The following C1QTNF3 variants were observed in gnomAD, a reference collection of about 807,000 sequenced individuals.
The protein encoded by C1QTNF3 is complement C1q tumor necrosis factor-related protein 3.
Under a neutral mutation model 32.6 loss-of-function variants are expected in C1QTNF3, and 26 were observed. That is an observed-to-expected ratio of 0.80 (90% confidence interval 0.58 to 1.11). The LOEUF is 1.11. Among genes scored for constraint, C1QTNF3 ranks in the 50% least tolerant of loss-of-function variants. The pLI is 0.00. For synonymous variants in C1QTNF3, 155 were observed against 146.0 expected (o/e 1.06, Z -0.44); for missense variants, 362 against 398.2 (o/e 0.91, Z 0.77).
the C1QTNF3 span, among the ~76,000 whole-genome samples, chr5:34,216,248 T>C: frequency 1.3e-5 from 2 of 152,226 alleles, no homozygotes; most frequent in African/African-American, 4.8e-5. Context: ...CTTGCTCTTT[T>C]GTTGTTGTTG....
the C1QTNF3 span, among the ~76,000 whole-genome samples, chr5:34,170,759 G>T: frequency 6.6e-6 from 1 of 152,064 alleles, no homozygotes; most frequent in African/African-American, 2.4e-5. Flanking sequence ...CAGTACACAA[G>T]AATTGATACC....
chr5:34,053,480 C>G, the C1QTNF3 span, among the ~76,000 whole-genome samples: 1 of 152,224 alleles, frequency 6.6e-6, no homozygotes, highest in African/African-American at 2.4e-5. Context: ...ATTTGCCTGT[C>G]TGTCTGCATG....
chr5:34,156,878 C>T, the C1QTNF3 span, among the ~76,000 whole-genome samples: 1 of 152,146 alleles, frequency 6.6e-6, no homozygotes, highest in African/African-American at 2.4e-5. Context: ...GCCTAGGAAA[C>T]TCATTCTGTG....
intron 2 of C1QTNF3, among the ~76,000 whole-genome samples, chr5:34,034,808 A>G (rs1436211860): frequency 1.3e-5 from 2 of 152,216 alleles, no homozygotes; most frequent in Non-Finnish European, 2.9e-5. Context: ...AATGACATAG[A>G]TTCCAAGCCA....
At chr5:34,084,789 G>T in the C1QTNF3 span, among the ~76,000 whole-genome samples, 208 of 68,768 alleles carry the variant, frequency 3.0e-3, 10 homozygotes, top group South Asian at 0.011. Flanking sequence ...GGTTTTTCTG[G>T]TTTTTTTTTT....
At chr5:34,107,469 TA>T in the C1QTNF3 span, among the ~76,000 whole-genome samples, 1 of 151,974 alleles carries the variant, frequency 6.6e-6, no homozygotes, top group Non-Finnish European at 1.5e-5. Context: ...ATAATGACAA[TA>T]ACTGTCATCA....
At chr5:34,023,843 C>A in intron 5 of C1QTNF3, 66 bp downstream of exon 5, 1 of 1,321,080 alleles carries the variant, frequency 7.6e-7, no homozygotes, top group South Asian at 1.2e-5. Context: ...GCTTCCCTGT[C>A]ATTAGGCATT....
the C1QTNF3 span, among the ~76,000 whole-genome samples, chr5:34,211,150 CA>C: frequency 1.3e-5 from 2 of 150,938 alleles, no homozygotes; most frequent in African/African-American, 4.9e-5. Flanking sequence ...TATATGTACA[CA>C]AAAATTTTCA....
intron 3 of C1QTNF3, 118 bp downstream of exon 3, chr5:34,033,186 A>ACTCAGATTT (rs1754657548): frequency 9.1e-7 from 1 of 1,099,574 alleles, no homozygotes; most frequent in South Asian, 1.4e-5. Flanking sequence ...ACAAACTGAG[A>ACTCAGATTT]CTCAGATTTA....
chr5:34,126,330 C>G, the C1QTNF3 span, among the ~76,000 whole-genome samples: 5 of 149,972 alleles, frequency 3.3e-5, no homozygotes, highest in African/African-American at 1.2e-4. Context: ...AAGAGTCTTG[C>G]ATAAGAACCT....
intron 1 of C1QTNF3, among the ~76,000 whole-genome samples, chr5:34,037,332 G>C (rs1323520849): frequency 6.6e-6 from 1 of 152,072 alleles, no homozygotes; most frequent in Non-Finnish European, 1.5e-5. Flanking sequence ...CAGGGAAGAA[G>C]AGAAAGAAAA....
At chr5:34,197,651 G>C in the C1QTNF3 span, among the ~76,000 whole-genome samples, 1 of 152,094 alleles carries the variant, frequency 6.6e-6, no homozygotes, top group Non-Finnish European at 1.5e-5. Context: ...TCTCTCATGA[G>C]TAAAGGTTGC....
chr5:34,027,196 A>G (rs1239440558), intron 4 of C1QTNF3, among the ~76,000 whole-genome samples: 1 of 152,220 alleles, frequency 6.6e-6, no homozygotes, highest in African/African-American at 2.4e-5. Context: ...GGGATTTTCT[A>G]TTTATCAACT....
chr5:34,126,770 G>A, the C1QTNF3 span, among the ~76,000 whole-genome samples: 2 of 151,860 alleles, frequency 1.3e-5, no homozygotes, highest in African/African-American at 4.8e-5. Context: ...TTAAGAGAGG[G>A]AAATTCTGTC....
At chr5:34,174,308 C>A in the C1QTNF3 span, among the ~76,000 whole-genome samples, 3 of 152,178 alleles carry the variant, frequency 2.0e-5, no homozygotes, top group African/African-American at 7.2e-5. Flanking sequence ...CCGCCCACCT[C>A]GGCCTCCCAA....
chr5:34,155,209 T>C, the C1QTNF3 span, among the ~76,000 whole-genome samples: 1 of 152,160 alleles, frequency 6.6e-6, no homozygotes, highest in Admixed American at 6.5e-5. Flanking sequence ...GGCTGTGTAA[T>C]AACAATGGAT....
chr5:34,119,343 T>C, the C1QTNF3 span, among the ~76,000 whole-genome samples: 3 of 152,186 alleles, frequency 2.0e-5, no homozygotes, highest in African/African-American at 7.2e-5. Flanking sequence ...CAAGGTTCTC[T>C]TATTTGTCAG....
the C1QTNF3 span, among the ~76,000 whole-genome samples, chr5:34,207,934 C>T: frequency 6.6e-6 from 1 of 152,008 alleles, no homozygotes; most frequent in Non-Finnish European, 1.5e-5. Flanking sequence ...ACTACAGGCG[C>T]CCGCCACCGT....
chr5:34,125,173 T>C, the C1QTNF3 span, among the ~76,000 whole-genome samples: 1 of 152,136 alleles, frequency 6.6e-6, no homozygotes, highest in African/African-American at 2.4e-5. Context: ...AGATGACAAA[T>C]TGCTAAGCAT....
Sources: gnomAD v4.1 joint callset for allele counts (sites outside exome capture counted in the v4.1 genomes callset) on GRCh38, gnomAD v4.1.1 for gene constraint, MANE v1.5 for transcripts, NCBI Gene and HGNC (gene_info 2026-07-23, HGNC 2026-07-21) for gene names.